BBC3: variants seen among roughly 807,000 people sequenced by gnomAD.
BBC3 encodes the protein BCL2 binding component 3, also known as bcl-2-binding component 3.
BBC3 carries 5 observed loss-of-function variants against 18.2 expected under a neutral mutation model. The observed-to-expected ratio is 0.27, with a 90% CI of 0.14 to 0.58. BBC3 has a LOEUF of 0.58. Ranked by LOEUF, BBC3 falls within the 20% of genes least tolerant of loss-of-function variation. The probability of loss-of-function intolerance (pLI) is 0.91; values close to 1 mark genes in which losing one functional copy is unlikely to be tolerated. For missense variants in BBC3, 224 were observed against 268.9 expected (o/e 0.83, Z 1.17); for synonymous variants, 119 against 128.0 (o/e 0.93, Z 0.47).
Position 47,228,610 on chromosome 19 carries a change from A to G in BBC3, c.-15-164T>C, listed in dbSNP as rs1321159275. Among the ~76,000 whole-genome samples, 5 of 151,874 alleles carry G rather than the reference A, an allele frequency of 3.3e-5. No individual in the cohort carries two copies. The highest frequency in any genetic ancestry group is 7.4e-5 in the Non-Finnish European group (5 of 67,956). On this transcript the variant is annotated intron_variant, in intron 1 of 3. Transcript: ENST00000439096. This position sits in a 1 kb window ranked among gnomAD's most constrained non-coding sequence, Gnocchi z 5.5. ...ACACGCCCAGCCGGGGGATGACACC[A>G]CCGGGTCCTGGCTGGCCTGGAGAGC... is the stretch of plus-strand genomic sequence containing the variant.
rs780312516 is a variant in BBC3, at chr19:47,221,786, G to C, written c.*16C>G. The C allele has an allele frequency of 1.2e-6, 2 of 1,609,774 alleles. No individual in the cohort carries two copies. The highest frequency in any genetic ancestry group is 1.7e-6 in the Non-Finnish European group (2 of 1,178,738). On this transcript the variant is annotated 3_prime_UTR_variant, in exon 4 of 4. Transcript: ENST00000439096. ...GCCCCCCGAGTCCCTGACGTCCACC[G>C]GGCGGGTGCAGGCACCTAATTGGGC...
At position 47,230,450 on chromosome 19, in the gene BBC3, G is replaced by T. The variant is rs2058897222; in HGVS notation, c.-16+479C>A. Among the ~76,000 whole-genome samples the T allele has an allele frequency of 6.6e-6, 1 of 150,826 alleles. No homozygotes were observed. Among genetic ancestry groups the T allele is most frequent in the Non-Finnish European group, 1.5e-5 (1 of 67,502 alleles). Reference sequence around the variant, plus strand: ...CCCGCCCCGCCCGCCAGGCGAGCGCGGGGCCAATAACCGGCTGTTGCTGGG... The same window carrying T: ...CCCGCCCCGCCCGCCAGGCGAGCGCTGGGCCAATAACCGGCTGTTGCTGGG... On this transcript the variant is annotated intron_variant, in intron 1 of 3. Transcript: ENST00000439096. This position sits in a 1 kb window ranked among gnomAD's most constrained non-coding sequence, Gnocchi z 6.7.
chr19:47,221,961 T>A, intron 3 of BBC3, 43 bp from the exon 4 acceptor site: 1 of 1,532,236 alleles, frequency 6.5e-7, no homozygotes, highest in Non-Finnish European at 8.9e-7. Flanking sequence ...GGGGACTGAG[T>A]ATGGTGATGG....
intron 2 of BBC3, chr19:47,227,005 C>A: frequency 2.7e-6 from 1 of 374,516 alleles, no homozygotes. Flanking sequence ...GGTAGACGGC[C>A]AGAGAGGTGA....
rs531013232 is a variant in BBC3, at chr19:47,221,551, C to T, written c.*251G>A. 383 of 710,480 alleles carry T rather than the reference C, an allele frequency of 5.4e-4. No individual in the cohort carries two copies. The highest frequency in any genetic ancestry group is 5.0e-3 in the African/African-American group (269 of 54,158). The allele number at this position is 710,480 out of a possible 1,614,324, so 44.0% of individuals were successfully genotyped here. On this transcript the variant is annotated 3_prime_UTR_variant, in exon 4 of 4. Coordinates refer to ENST00000439096, the MANE Select transcript of BBC3 (RefSeq NM_014417.5). The stretch of plus-strand genomic sequence containing the variant: ...CACCCCCTCGGTCACCGCCACCTTC[C>T]GATGCTGAGTCCATCAGCCGTCCCT...
intron 1 of BBC3, among the ~76,000 whole-genome samples, chr19:47,229,538 C>T (rs543986860): frequency 6.6e-6 from 1 of 151,610 alleles, no homozygotes; most frequent in African/African-American, 2.4e-5. Flanking sequence ...ACACACCTAG[C>T]GCACCCACAG....
At chr19:47,222,570 C>T (rs560719406) in intron 3 of BBC3, 2 of 152,390 alleles carry the variant, frequency 1.3e-5, no homozygotes, top group Non-Finnish European at 1.5e-5. Context: ...GGCGCAGTGA[C>T]TTATAGCTGT....
chr19:47,226,987 G>A, intron 2 of BBC3: 1 of 404,650 alleles, frequency 2.5e-6, no homozygotes, highest in South Asian at 7.0e-5. Flanking sequence ...GCCCTTGTCA[G>A]TGTGGAAGGT....
At chr19:47,226,473 C>G (rs1386317854) in intron 3 of BBC3, 91 bp downstream of exon 3, 15 of 1,095,796 alleles carry the variant, frequency 1.4e-5, no homozygotes, top group Admixed American at 3.5e-5. Flanking sequence ...CCGCGCAGGG[C>G]AGCAGCTGCC....
intron 2 of BBC3, 51 bp from the exon 3 acceptor site, chr19:47,226,805 G>T: frequency 7.4e-7 from 1 of 1,349,114 alleles, no homozygotes; most frequent in Non-Finnish European, 9.5e-7. Flanking sequence ...TCCAGGCCTC[G>T]AGGTGTCTCG....
chr19:47,226,439 C>G (rs1273578128), intron 3 of BBC3, 125 bp downstream of exon 3: 2 of 938,532 alleles, frequency 2.1e-6, no homozygotes, highest in East Asian at 3.4e-5. Flanking sequence ...TACCCCCCAC[C>G]TGCCTGTCCG....
chr19:47,226,689 C>T lies in BBC3; in HGVS notation c.340G>A (p.Ala114Thr), dbSNP rs552413445. The stretch of plus-strand genomic sequence containing the variant: ...GCCTGGGTGGGACCGCCCGCCAGAG[C>T]CCCCGGGGCGCTGGGCACGGGCGAC... ...LESPVPSAPG[A>T]LAGGPTQAAP... The change falls in exon 3 of 4, where the codon GCT becomes ACT. Residue 114 changes from alanine to threonine, a missense_variant. Transcript: ENST00000439096. 8.7e-6 allele frequency: 13 copies of T among 1,488,398 alleles called. No homozygotes were observed. The highest frequency in any genetic ancestry group is 5.8e-5 in the African/African-American group (4 of 68,666). 92.2% of individuals were successfully genotyped at this position (1,488,398 alleles called of 1,614,324 possible).
chr19:47,221,620 C>T lies in BBC3; in HGVS notation c.*182G>A. The T allele has an allele frequency of 7.8e-7, 1 of 1,286,600 alleles. No individual in the cohort carries two copies. Among genetic ancestry groups the T allele is most frequent in the Non-Finnish European group, 1.1e-6 (1 of 946,644 alleles). The allele number at this position is 1,286,600 out of a possible 1,614,324, so 79.7% of individuals were successfully genotyped here. A position where few individuals can be genotyped will look rare whatever the true frequency, so the allele number is the denominator to read the frequency against. On this transcript the variant is annotated 3_prime_UTR_variant, in exon 4 of 4. Transcript: ENST00000439096. ...GGGACCCAGGAGTCCGCATCTCCGTCAGTGCACCCCAGGCTGGGCTGGGGC... is the reference window on the plus strand; with the variant it reads ...GGGACCCAGGAGTCCGCATCTCCGTTAGTGCACCCCAGGCTGGGCTGGGGC...
In BBC3 at chr19:47,228,387, C is replaced by T. The variant is rs2058865381; in HGVS notation, c.45G>A (p.Glu15=). The T allele has an allele frequency of 8.1e-7, 1 of 1,231,746 alleles. No homozygotes were observed. Among genetic ancestry groups the T allele is most frequent in the Non-Finnish European group, 1.0e-6 (1 of 988,024 alleles). 76.3% of individuals were successfully genotyped at this position (1,231,746 alleles called of 1,614,324 possible). ...RQEGSSPEPV[E]GLARDGPRPF... is the part of the protein sequence containing the mutation. ...GGCGCGGGCCGTCGCGGGCCAGGCC[C>T]TCTACGGGCTCCGGGGAGCTGCCCT... The change falls in exon 2 of 4, where the codon GAG becomes GAA. Residue 15 remains glutamate (E), a synonymous_variant. Transcript: ENST00000439096. This position sits in a 1 kb window ranked among gnomAD's most constrained non-coding sequence, Gnocchi z 5.5.
upstream of BBC3, among the ~76,000 whole-genome samples, chr19:47,232,186 T>C (rs554072246): frequency 6.6e-6 from 1 of 152,282 alleles, no homozygotes; most frequent in African/African-American, 2.4e-5. Context: ...ACCCCATCTC[T>C]ACTAAAAATA....
Position 47,230,406 on chromosome 19 carries a change from C to G in BBC3, c.-16+523G>C, listed in dbSNP as rs1027305463. 2.0e-5 allele frequency among the ~76,000 whole-genome samples: 3 copies of G among 151,402 alleles called. No homozygotes were observed. Among genetic ancestry groups the G allele is most frequent in the African/African-American group, 4.8e-5 (2 of 41,476 alleles). On this transcript the variant is annotated intron_variant, in intron 1 of 3. Coordinates refer to ENST00000439096, the MANE Select transcript of BBC3 (RefSeq NM_014417.5). This position sits in a 1 kb window ranked among gnomAD's most constrained non-coding sequence, Gnocchi z 6.7. ...ACCCCCCTCCGCTGTCACAGCCCCCCCCACCGCCGCCACGTGCGCCCGCCC... is the reference window on the plus strand; with the variant it reads ...ACCCCCCTCCGCTGTCACAGCCCCCGCCACCGCCGCCACGTGCGCCCGCCC...
At chr19:47,227,071 C>G (rs568337105) in intron 2 of BBC3, 9 of 250,786 alleles carry the variant, frequency 3.6e-5, no homozygotes, top group Middle Eastern at 4.0e-4. Context: ...CACATTTTGC[C>G]TTTTCCATGT....
At chr19:47,229,438 C>T (rs1386844224) in intron 1 of BBC3, among the ~76,000 whole-genome samples, 6 of 151,468 alleles carry the variant, frequency 4.0e-5, no homozygotes, top group Admixed American at 6.6e-5. Flanking sequence ...ACCCTCCTCA[C>T]GCAACCCTCA....
chr19:47,231,206 C>A, upstream of BBC3: 2 of 982,228 alleles, frequency 2.0e-6, no homozygotes, highest in Non-Finnish European at 2.4e-6. This position sits in a 1 kb window ranked among gnomAD's most constrained non-coding sequence, Gnocchi z 4.0. Flanking sequence ...TCTCAGGCCG[C>A]CCGGCGGATC....
Sources: allele counts gnomAD v4.1 joint callset (sites outside exome capture counted in the v4.1 genomes callset), GRCh38; gene constraint gnomAD v4.1.1; non-coding constraint Gnocchi (gnomAD v3.1); transcripts MANE v1.5; gene names NCBI Gene and HGNC (gene_info 2026-07-23, HGNC 2026-07-21).